The following NCAM2 variants were observed in gnomAD, a reference collection of about 807,000 sequenced individuals.
NCAM2 encodes the protein N-CAM-2.
Under a neutral mutation model 98.1 loss-of-function variants are expected in NCAM2, and 30 were observed. The ratio of observed to expected loss-of-function variants is 0.31; its 90% confidence interval spans 0.23 to 0.41. The LOEUF (loss-of-function observed/expected upper bound fraction) is 0.41. Ranked by LOEUF, NCAM2 falls within the 10% of genes least tolerant of loss-of-function variation. NCAM2 has a pLI of 1.00. For synonymous variants in NCAM2, 368 were observed against 342.4 expected, an observed-to-expected ratio of 1.07 and a Z score of -0.83; for missense variants, 867 against 1,005.8, an observed-to-expected ratio of 0.86 and a Z score of 1.87.
At chr21:21,319,102 G>A (rs1229745242) in intron 5 of NCAM2, among the ~76,000 whole-genome samples, 1 of 151,968 alleles carries the variant, frequency 6.6e-6, no homozygotes, top group Non-Finnish European at 1.5e-5. Flanking sequence ...GGGTGACAGA[G>A]GGAGACCCTG....
chr21:21,177,193 G>A (rs1038883329), intron 1 of NCAM2, among the ~76,000 whole-genome samples: 2 of 152,054 alleles, frequency 1.3e-5, no homozygotes, highest in African/African-American at 4.8e-5. Flanking sequence ...TGAAAATCGT[G>A]TGTAGATCCT....
At chr21:21,168,827 G>A (rs1011199008) in intron 1 of NCAM2, among the ~76,000 whole-genome samples, 8 of 152,066 alleles carry the variant, frequency 5.3e-5, no homozygotes, top group Non-Finnish European at 7.4e-5. Flanking sequence ...CTTAGCTTAC[G>A]TGTAGGAAAT....
chr21:21,132,428 G>T (rs888755414), intron 1 of NCAM2, among the ~76,000 whole-genome samples: 1 of 150,568 alleles, frequency 6.6e-6, no homozygotes, highest in African/African-American at 2.5e-5. Flanking sequence ...ATATTCACAG[G>T]TTCCAGGGAT....
chr21:21,373,950 T>A lies in NCAM2; in HGVS notation c.1132T>A (p.Tyr378Asn). 1 of 1,611,142 alleles carries A rather than the reference T, an allele frequency of 6.2e-7. No individual in the cohort carries two copies. Among genetic ancestry groups the A allele is most frequent in the South Asian group, 1.1e-5 (1 of 91,004 alleles). ...TGTGAAGTTGTCAGATTCAGGGAGA[T>A]ATGACTGTGAAGCTGCAAGCAGAAT... is the stretch of plus-strand genomic sequence containing the variant. ...KDVKLSDSGR[Y>N]DCEAASRIGG... The change falls in exon 9 of 18, where the codon TAT becomes AAT. Residue 378 changes from tyrosine (Y) to asparagine (N), a missense_variant. Around this residue, in one of 5 missense-constraint regions of NCAM2, gnomAD observed 447 missense variants for 495.7 expected, o/e 0.90. Coordinates refer to ENST00000400546, the MANE Select transcript of NCAM2 (RefSeq NM_004540.5).
intron 5 of NCAM2, among the ~76,000 whole-genome samples, chr21:21,306,585 A>G (rs796892166): frequency 1.1e-4 from 16 of 152,168 alleles, no homozygotes; most frequent in African/African-American, 3.4e-4. Context: ...GTAGGCATAT[A>G]TATTTATGGG....
At position 21,468,573 on chromosome 21, in the gene NCAM2, G is replaced by T. The variant is rs971609532; in HGVS notation, c.1775-89G>T. 26 of 1,271,286 alleles carry T rather than the reference G, an allele frequency of 2.0e-5. No homozygotes were observed. In the East Asian group the frequency reaches 3.7e-4, roughly 18 times the overall value. The allele number at this position is 1,271,286 out of a possible 1,614,324, so 78.8% of individuals were successfully genotyped here. ...AATCCAGGATAACACCATATATTTT[G>T]ATTACATTACTGTTCTTTTTATTAA... On this transcript the variant is annotated intron_variant, in intron 13 of 17. Coordinates refer to ENST00000400546, the MANE Select transcript of NCAM2 (RefSeq NM_004540.5).
chr21:21,461,430 A>G (rs1193003538), intron 12 of NCAM2, among the ~76,000 whole-genome samples: 1 of 151,900 alleles, frequency 6.6e-6, no homozygotes, highest in Non-Finnish European at 1.5e-5. Flanking sequence ...ACTTATACTC[A>G]TGATGGAAAG....
chr21:21,449,669 T>G (rs1220945784), intron 12 of NCAM2, among the ~76,000 whole-genome samples: 4 of 152,012 alleles, frequency 2.6e-5, no homozygotes, highest in Non-Finnish European at 5.9e-5. Context: ...CATTAAATAT[T>G]TTATCTATTA....
At chr21:21,187,978 A>C (rs539698124) in intron 1 of NCAM2, among the ~76,000 whole-genome samples, 1 of 152,208 alleles carries the variant, frequency 6.6e-6, no homozygotes, top group Non-Finnish European at 1.5e-5. Flanking sequence ...CTGTGTTAAC[A>C]CAAATAAGTA....
chr21:21,412,298 G>A (rs2076902730), intron 10 of NCAM2, among the ~76,000 whole-genome samples: 1 of 152,154 alleles, frequency 6.6e-6, no homozygotes, highest in Non-Finnish European at 1.5e-5. Context: ...TGTTGGATTA[G>A]GTCCCACTCT....
intron 1 of NCAM2, among the ~76,000 whole-genome samples, chr21:21,237,052 C>G (rs2070860690): frequency 6.6e-6 from 1 of 151,970 alleles, no homozygotes; most frequent in Admixed American, 6.6e-5. Flanking sequence ...TGTTTTTATC[C>G]CTGCTTTCTC....
chr21:21,179,786 G>T (rs2068410514), intron 1 of NCAM2, among the ~76,000 whole-genome samples: 2 of 152,230 alleles, frequency 1.3e-5, no homozygotes. Flanking sequence ...GGTGTAAACT[G>T]CAGTGTCAGA....
chr21:21,445,710 A>G (rs1475334318), intron 12 of NCAM2, among the ~76,000 whole-genome samples: 5 of 151,336 alleles, frequency 3.3e-5, no homozygotes, highest in Non-Finnish European at 7.4e-5. Context: ...TTTTGAGCCT[A>G]TGTGTGCCTT....
At chr21:21,166,784 T>C (rs1324600618) in intron 1 of NCAM2, among the ~76,000 whole-genome samples, 3 of 152,178 alleles carry the variant, frequency 2.0e-5, no homozygotes, top group Non-Finnish European at 4.4e-5. Flanking sequence ...GATTTTTATT[T>C]GAATTTGCTA....
intron 5 of NCAM2, among the ~76,000 whole-genome samples, chr21:21,319,792 A>C (rs1016170734): frequency 1.3e-5 from 2 of 152,206 alleles, no homozygotes; most frequent in African/African-American, 4.8e-5. Context: ...CCTTTGGCAA[A>C]TAATTAGAAA....
At chr21:21,020,639 C>T (rs1166177092) in intron 1 of NCAM2, among the ~76,000 whole-genome samples, 1 of 152,176 alleles carries the variant, frequency 6.6e-6, no homozygotes, top group East Asian at 1.9e-4. Flanking sequence ...AGCATGCTCT[C>T]CCTCGGGACT....
intron 8 of NCAM2, among the ~76,000 whole-genome samples, chr21:21,363,111 G>A (rs2075690091): frequency 6.6e-6 from 1 of 152,128 alleles, no homozygotes; most frequent in Non-Finnish European, 1.5e-5. Flanking sequence ...TGATTGATTA[G>A]TGAATAATTT....
chr21:21,115,776 T>G (rs891158498), intron 1 of NCAM2, among the ~76,000 whole-genome samples: 1 of 152,208 alleles, frequency 6.6e-6, no homozygotes, highest in Admixed American at 6.5e-5. Flanking sequence ...GAAAGTTTAA[T>G]TATAAGTTCA....
intron 12 of NCAM2, among the ~76,000 whole-genome samples, chr21:21,461,815 A>T (rs1602412009): frequency 6.6e-6 from 1 of 152,026 alleles, no homozygotes; most frequent in East Asian, 1.9e-4. Flanking sequence ...AATATAATTG[A>T]ACTGAGATGA....
Sources: gnomAD v4.1 joint callset for allele counts (sites outside exome capture counted in the v4.1 genomes callset) on GRCh38, gnomAD v4.1.1 for gene constraint, gnomAD v4.1.1 regional missense constraint, MANE v1.5 for transcripts, NCBI Gene and HGNC (gene_info 2026-07-23, HGNC 2026-07-21) for gene names.